CPED1: variants seen among roughly 807,000 people sequenced by gnomAD.
CPED1 encodes cadherin-like and PC-esterase domain-containing protein 1.
A neutral mutation model predicts 128.2 loss-of-function variants in CPED1; 114 were observed. The observed-to-expected ratio is 0.89, with a 90% CI of 0.76 to 1.04. The LOEUF (loss-of-function observed/expected upper bound fraction) is 1.04. Among genes scored for constraint, CPED1 ranks in the 50% least tolerant of loss-of-function variants. The probability of loss-of-function intolerance (pLI) is 0.00; values close to 1 mark genes in which losing one functional copy is unlikely to be tolerated. For synonymous variants in CPED1, 462 were observed against 426.7 expected (o/e 1.08, Z -1.02); for missense variants, 1,211 against 1,207.1 (o/e 1.00, Z -0.05).
chr7:121,162,585 G>A (rs1209938990), intron 16 of CPED1, among the ~76,000 whole-genome samples: 1 of 152,148 alleles, frequency 6.6e-6, no homozygotes, highest in Non-Finnish European at 1.5e-5. Flanking sequence ...AACCTACTTT[G>A]ATTTGTTTTT....
chr7:121,053,014 T>C (rs1793397823), intron 4 of CPED1, among the ~76,000 whole-genome samples: 1 of 152,288 alleles, frequency 6.6e-6, no homozygotes, highest in East Asian at 1.9e-4. Context: ...CCACTGTGCC[T>C]GGCCTTAATT....
chr7:121,216,844 A>G (rs1031463630), intron 16 of CPED1, among the ~76,000 whole-genome samples: 1 of 152,048 alleles, frequency 6.6e-6, no homozygotes, highest in Non-Finnish European at 1.5e-5. Flanking sequence ...AGCAATTATC[A>G]TATTTGGTGG....
At chr7:121,203,018 C>G (rs1030573652) in intron 16 of CPED1, among the ~76,000 whole-genome samples, 2 of 152,026 alleles carry the variant, frequency 1.3e-5, no homozygotes, top group African/African-American at 4.8e-5. Context: ...CCAGTTGTTC[C>G]TATTTTAAGA....
At chr7:121,157,645 A>G (rs1314315576) in intron 16 of CPED1, among the ~76,000 whole-genome samples, 1 of 152,098 alleles carries the variant, frequency 6.6e-6, no homozygotes, top group Admixed American at 6.5e-5. Context: ...TCCACCATCA[A>G]TAATTGACCA....
intron 12 of CPED1, among the ~76,000 whole-genome samples, chr7:121,131,960 A>AT (rs1167469537): frequency 9.1e-5 from 12 of 132,468 alleles, no homozygotes; most frequent in African/African-American, 3.0e-4. Context: ...AGTGGGGGTA[A>AT]TGTTTTTTTT....
chr7:121,009,817 A>G (rs1003488048), intron 2 of CPED1, among the ~76,000 whole-genome samples: 3 of 152,124 alleles, frequency 2.0e-5, no homozygotes, highest in African/African-American at 7.2e-5. Flanking sequence ...AGTGGAGGAG[A>G]GTCACTGGAG....
intron 16 of CPED1, among the ~76,000 whole-genome samples, chr7:121,200,952 AG>A (rs1797381850): frequency 1.8e-5 from 1 of 55,904 alleles, no homozygotes; most frequent in Non-Finnish European, 4.5e-5. Flanking sequence ...GCAAATCAAA[AG>A]AGAGAGCAGT....
chr7:120,989,997 G>T, intron 2 of CPED1, 127 bp downstream of exon 2: 1 of 1,093,680 alleles, frequency 9.1e-7, no homozygotes, highest in Non-Finnish European at 1.3e-6. Context: ...AAACAGCCTA[G>T]AGAGTGACCT....
chr7:121,001,354 G>A (rs1791851448), intron 2 of CPED1, among the ~76,000 whole-genome samples: 1 of 152,026 alleles, frequency 6.6e-6, no homozygotes, highest in South Asian at 2.1e-4. Context: ...TTCATAGCAA[G>A]TCTCTTGTAA....
chr7:121,085,472 C>A (rs979407526), intron 5 of CPED1, among the ~76,000 whole-genome samples: 1 of 151,018 alleles, frequency 6.6e-6, no homozygotes, highest in Non-Finnish European at 1.5e-5. Context: ...TCACAGATAA[C>A]TTGAAAAAAA....
chr7:121,008,242 T>A (rs1425948648), intron 2 of CPED1, among the ~76,000 whole-genome samples: 1 of 152,164 alleles, frequency 6.6e-6, no homozygotes, highest in African/African-American at 2.4e-5. Flanking sequence ...CGGACCTACG[T>A]ATAAAGACCA....
intron 2 of CPED1, among the ~76,000 whole-genome samples, chr7:121,004,245 A>C (rs567350259): frequency 6.6e-6 from 1 of 152,314 alleles, no homozygotes; most frequent in South Asian, 2.1e-4. Flanking sequence ...CCAAGGGGAG[A>C]AGGCAGGAGC....
intron 16 of CPED1, among the ~76,000 whole-genome samples, chr7:121,167,844 G>T (rs1158237673): frequency 6.7e-6 from 1 of 148,378 alleles, no homozygotes; most frequent in African/African-American, 2.5e-5. Flanking sequence ...CCATTCTCCT[G>T]CCTCAGCCTC....
chr7:121,130,278 C>T lies in CPED1; in HGVS notation c.1561C>T (p.Pro521Ser), dbSNP rs1386713390. The change falls in exon 12 of 23, where the codon CCA becomes TCA. Residue 521 changes from proline to serine, a missense_variant. By Grantham distance (74) the Pro-to-Ser change is moderately conservative. Coordinates refer to ENST00000310396, the MANE Select transcript of CPED1 (RefSeq NM_024913.5). The stretch of plus-strand genomic sequence containing the variant: ...TCAGTTCATGAATAAAAAGACACAG[C>T]CACATCCACTGGAATGGTAAGATAG... The part of the protein sequence containing the change: ...QFQFMNKKTQ[P>S]HPLEWNSFTE... 1.2e-6 allele frequency: 2 copies of T among 1,601,462 alleles called. No individual in the cohort carries two copies. Among genetic ancestry groups the T allele is most frequent in the Non-Finnish European group, 1.7e-6 (2 of 1,175,450 alleles).
intron 16 of CPED1, among the ~76,000 whole-genome samples, chr7:121,174,871 C>G (rs1178704560): frequency 6.6e-6 from 1 of 151,992 alleles, no homozygotes; most frequent in Admixed American, 6.6e-5. Flanking sequence ...ATATGTTTTT[C>G]CATTTGTTTG....
At chr7:121,144,034 A>G (rs998296199) in intron 16 of CPED1, among the ~76,000 whole-genome samples, 4 of 152,104 alleles carry the variant, frequency 2.6e-5, no homozygotes, top group Non-Finnish European at 5.9e-5. Context: ...CCAGACATCA[A>G]TAATGAATGC....
intron 18 of CPED1, among the ~76,000 whole-genome samples, chr7:121,251,479 G>C (rs1027618991): frequency 6.6e-6 from 1 of 152,058 alleles, no homozygotes; most frequent in East Asian, 1.9e-4. Context: ...AATCAGGCAG[G>C]AGAAGGAAAT....
At chr7:121,009,066 C>A (rs1262783602) in intron 2 of CPED1, among the ~76,000 whole-genome samples, 2 of 151,982 alleles carry the variant, frequency 1.3e-5, no homozygotes, top group African/African-American at 2.4e-5. Context: ...TCCTGACTTA[C>A]TGGGTTTATC....
rs914577236 is a variant in CPED1 at position 121,296,197 on chromosome 7, A to G, written c.*545A>G. On this transcript the variant is annotated 3_prime_UTR_variant, in exon 23 of 23. Coordinates refer to ENST00000310396, the MANE Select transcript of CPED1 (RefSeq NM_024913.5). ...TTTCTTCCTATACTTTTTAAATTTT[A>G]TTACTGAAAGGAAAAGAACAGGAAT... 1 of 152,608 alleles carries G rather than the reference A, an allele frequency of 6.6e-6. No homozygotes were observed. 9.5% of individuals were successfully genotyped at this position (152,608 alleles called of 1,614,324 possible). A position where few individuals can be genotyped will look rare whatever the true frequency, so the allele number is the denominator to read the frequency against.
Sources: allele counts gnomAD v4.1 joint callset (sites outside exome capture counted in the v4.1 genomes callset), GRCh38; gene constraint gnomAD v4.1.1; transcripts MANE v1.5; gene names NCBI Gene and HGNC (gene_info 2026-07-23, HGNC 2026-07-21).